The following TMEM132B variants were observed in gnomAD, a reference collection of about 807,000 sequenced individuals.
TMEM132B encodes transmembrane protein 132B.
A neutral mutation model predicts 90.8 loss-of-function variants in TMEM132B; 18 were observed. That is an observed-to-expected ratio of 0.20 (90% CI 0.14 to 0.29). TMEM132B has a LOEUF of 0.29. Among genes scored for constraint, TMEM132B ranks in the 10% least tolerant of loss-of-function variants. The pLI, the probability that TMEM132B is intolerant of heterozygous loss-of-function variation, is 1.00. For synonymous variants in TMEM132B, 504 were observed against 523.3 expected, an observed-to-expected ratio of 0.96 and a Z score of 0.50; for missense variants, 1,096 against 1,326.8, an observed-to-expected ratio of 0.83 and a Z score of 2.70.
At chr12:125,448,474 G>C (rs548560914) in intron 3 of TMEM132B, among the ~76,000 whole-genome samples, 2 of 152,258 alleles carry the variant, frequency 1.3e-5, no homozygotes, top group South Asian at 4.2e-4. Context: ...GAAAAGATGT[G>C]TCTGGCATCT....
At chr12:125,231,094 G>A (rs910887568) in intron 1 of TMEM132B, among the ~76,000 whole-genome samples, 5 of 152,116 alleles carry the variant, frequency 3.3e-5, no homozygotes, top group African/African-American at 1.2e-4. Flanking sequence ...AGGCTCTAGG[G>A]GAGGCTCCTT....
intron 3 of TMEM132B, among the ~76,000 whole-genome samples, chr12:125,472,115 C>A (rs569871306): frequency 6.6e-6 from 1 of 152,178 alleles, no homozygotes; most frequent in African/African-American, 2.4e-5. Flanking sequence ...CTCAGGGAAG[C>A]AATTCTAGTA....
At chr12:125,613,774 T>A (rs952662298) in intron 5 of TMEM132B, among the ~76,000 whole-genome samples, 2 of 152,074 alleles carry the variant, frequency 1.3e-5, no homozygotes, top group African/African-American at 2.4e-5. Flanking sequence ...AGACTTTATA[T>A]AATGTTATGT....
At chr12:125,578,582 C>T (rs777464505) in intron 4 of TMEM132B, among the ~76,000 whole-genome samples, 9 of 152,100 alleles carry the variant, frequency 5.9e-5, no homozygotes, top group Non-Finnish European at 8.8e-5. Flanking sequence ...AGTGTCCCTT[C>T]ATTTGAGCCT....
intron 1 of TMEM132B, among the ~76,000 whole-genome samples, chr12:125,266,342 G>A (rs1029558201): frequency 4.6e-5 from 7 of 152,212 alleles, no homozygotes; most frequent in Non-Finnish European, 1.0e-4. Context: ...GAAAACATTT[G>A]CCAAGGTCTG....
rs568317595 is a variant in TMEM132B, at chr12:125,556,465, T to A, written c.1294-27386T>A. The stretch of plus-strand genomic sequence containing the variant: ...CTAACTCCAGACGGTGGTATATGAT[T>A]AGAAGAAAAACCCGGGGGATGTGGA... On this transcript the variant is annotated intron_variant, in intron 4 of 8. Coordinates refer to ENST00000682704, the MANE Select transcript of TMEM132B (RefSeq NM_001366854.1). Among the ~76,000 whole-genome samples the A allele has an allele frequency of 2.0e-5, 3 of 152,270 alleles. No individual in the cohort carries two copies. The South Asian group carries it at 6.2e-4, about 32-fold the overall frequency.
chr12:125,259,282 G>T (rs1306534355), intron 1 of TMEM132B, among the ~76,000 whole-genome samples: 2 of 152,180 alleles, frequency 1.3e-5, no homozygotes, highest in African/African-American at 4.8e-5. Flanking sequence ...CATTCTCAGT[G>T]TGTAACAGGA....
chr12:125,329,984 G>A (rs1332171318), intron 1 of TMEM132B, among the ~76,000 whole-genome samples: 1 of 152,210 alleles, frequency 6.6e-6, no homozygotes, highest in Non-Finnish European at 1.5e-5. Context: ...GGGGAGAGAG[G>A]GTTTCAATGC....
rs1281821906 is a variant in TMEM132B at position 125,406,197 on chromosome 12, A to G, written c.960-9334A>G. 6.6e-6 allele frequency among the ~76,000 whole-genome samples: 1 copy of G among 152,194 alleles called. No individual in the cohort carries two copies. Among genetic ancestry groups the G allele is most frequent in the East Asian group, 1.9e-4 (1 of 5,194 alleles). On this transcript the variant is annotated intron_variant, in intron 2 of 8. Transcript: ENST00000682704. This position sits in a 1 kb window ranked among gnomAD's most constrained non-coding sequence, Gnocchi z 8.3. ...TACTGTCCAAACAGGAATCTTCTTT[A>G]TCTCCTCTGGCTAAAGCAGAATGCA...
intron 5 of TMEM132B, among the ~76,000 whole-genome samples, chr12:125,591,736 G>A (rs960074962): frequency 5.9e-5 from 9 of 152,172 alleles, no homozygotes; most frequent in African/African-American, 2.2e-4. Context: ...GGCCCTGGGT[G>A]TTCCTTGGCT....
At chr12:125,317,359 G>A (rs1379608126) in intron 1 of TMEM132B, among the ~76,000 whole-genome samples, 1 of 152,158 alleles carries the variant, frequency 6.6e-6, no homozygotes, top group Non-Finnish European at 1.5e-5. Context: ...TGTGTAAAAG[G>A]CTGAGTCTCC....
At chr12:125,652,143 A>C (rs994432442) in intron 7 of TMEM132B, among the ~76,000 whole-genome samples, 1 of 152,234 alleles carries the variant, frequency 6.6e-6, no homozygotes, top group African/African-American at 2.4e-5. Flanking sequence ...TTGAGTACCT[A>C]ATATCAATGG....
intron 1 of TMEM132B, among the ~76,000 whole-genome samples, chr12:125,229,081 A>G (rs1873755583): frequency 6.6e-6 from 1 of 152,188 alleles, no homozygotes. Context: ...GCTGGAAGGA[A>G]GCCTGGGTCC....
chr12:125,628,532 A>G (rs1483583362), intron 5 of TMEM132B, among the ~76,000 whole-genome samples: 1 of 152,074 alleles, frequency 6.6e-6, no homozygotes, highest in African/African-American at 2.4e-5. Flanking sequence ...AGCTCCTTAT[A>G]TATTCTGGCT....
intron 4 of TMEM132B, among the ~76,000 whole-genome samples, chr12:125,527,543 CCCATCCACCCTT>C (rs1160802713): frequency 6.4e-5 from 9 of 141,210 alleles, no homozygotes; most frequent in Non-Finnish European, 1.4e-4. Flanking sequence ...CTTCCAACCA[CCCATCCACCCTT>C]CCATCCACCC....
In TMEM132B at chr12:125,517,326, GATTTTTTTTTTTTTT is replaced by G. The variant is rs1373021111; in HGVS notation, c.1107-2112_1107-2098del. ...CAGGCGCCCGCCACCATGCCCTGCT[GATTTTTTTTTTTTTT>G]TTTTTTTTTTTTTTTTTTTTTTTTG... is the stretch of plus-strand genomic sequence containing the variant. On this transcript the variant is annotated intron_variant, in intron 3 of 8. Coordinates refer to ENST00000682704, the MANE Select transcript of TMEM132B (RefSeq NM_001366854.1). 1.0e-4 allele frequency among the ~76,000 whole-genome samples: 9 copies of G among 88,024 alleles called. 2 individuals carry two copies. The East Asian group carries it at 2.6e-3, about 26-fold the overall frequency. The allele number at this position is 88,024 out of a possible 152,430, so 57.7% of individuals were successfully genotyped here. A position where few individuals can be genotyped will look rare whatever the true frequency, so the allele number is the denominator to read the frequency against.
intron 1 of TMEM132B, among the ~76,000 whole-genome samples, chr12:125,224,916 A>G (rs2136077114): frequency 6.6e-6 from 1 of 152,300 alleles, no homozygotes; most frequent in South Asian, 2.1e-4. Flanking sequence ...ACACACACAC[A>G]CTTTTTTGCA....
intron 1 of TMEM132B, among the ~76,000 whole-genome samples, chr12:125,267,914 C>T (rs934090734): frequency 1.3e-5 from 2 of 151,932 alleles, no homozygotes; most frequent in East Asian, 3.9e-4. Context: ...TTGCATTTGG[C>T]CTGTGGACCT....
chr12:125,418,209 G>A lies in TMEM132B; in HGVS notation c.1106+2532G>A, dbSNP rs140843278. Among the ~76,000 whole-genome samples the A allele has an allele frequency of 8.2e-3, 1,248 of 152,192 alleles. 17 individuals carry two copies. Among genetic ancestry groups the A allele is most frequent in the African/African-American group, 0.028 (1,163 of 41,516 alleles). ...TAAATTGAAGAGCAACCTGGGCCAC[G>A]GCTATCACTTTTTGGTTCTGTGAGA... On this transcript the variant is annotated intron_variant, in intron 3 of 8. Coordinates refer to ENST00000682704, the MANE Select transcript of TMEM132B (RefSeq NM_001366854.1).
Sources: gnomAD v4.1 joint callset for allele counts (sites outside exome capture counted in the v4.1 genomes callset) on GRCh38, gnomAD v4.1.1 for gene constraint, Gnocchi (gnomAD v3.1) non-coding constraint, MANE v1.5 for transcripts, NCBI Gene and HGNC (gene_info 2026-07-23, HGNC 2026-07-21) for gene names.